Variants in SGCD observed in about 807,000 individuals in gnomAD.
The protein encoded by SGCD is sarcoglycan delta.
A neutral mutation model predicts 36.6 loss-of-function variants in SGCD; 18 were observed. That is an observed-to-expected ratio of 0.49 (90% confidence interval 0.34 to 0.73). SGCD has a LOEUF of 0.73. Ranked by LOEUF, SGCD falls within the 30% of genes least tolerant of loss-of-function variation. The probability of loss-of-function intolerance (pLI) is 0.01; values close to 1 mark genes in which losing one functional copy is unlikely to be tolerated. For missense variants in SGCD, 387 were observed against 346.7 expected (o/e 1.12, Z -0.92); for synonymous variants, 133 against 130.6 (o/e 1.02, Z -0.12).
At chr5:155,765,270 A>C in the SGCD span, among the ~76,000 whole-genome samples, 1 of 151,292 alleles carries the variant, frequency 6.6e-6, no homozygotes, top group Non-Finnish European at 1.5e-5. Flanking sequence ...ATAGGGCAAG[A>C]CCCTGTCGAA....
chr5:156,747,569 C>G (rs1192214810), intron 7 of SGCD, among the ~76,000 whole-genome samples: 1 of 152,138 alleles, frequency 6.6e-6, no homozygotes, highest in Non-Finnish European at 1.5e-5. Context: ...GGCCTCCCCT[C>G]CCTCAGTTTC....
intron 3 of SGCD, among the ~76,000 whole-genome samples, chr5:156,466,040 C>T (rs1442443529): frequency 1.3e-5 from 2 of 152,192 alleles, no homozygotes; most frequent in African/African-American, 4.8e-5. Flanking sequence ...TTTCAAATCT[C>T]TCATTTCTGT....
At chr5:155,778,358 A>G in the SGCD span, among the ~76,000 whole-genome samples, 2 of 152,178 alleles carry the variant, frequency 1.3e-5, no homozygotes, top group East Asian at 3.8e-4. Flanking sequence ...GTTTCCTAAT[A>G]TATCGACTGC....
At chr5:156,388,277 A>G (rs543682079) in intron 3 of SGCD, among the ~76,000 whole-genome samples, 2 of 152,268 alleles carry the variant, frequency 1.3e-5, no homozygotes, top group East Asian at 1.9e-4. Flanking sequence ...AAGCCTCCCT[A>G]TGATAGTTTC....
At chr5:155,943,685 C>A (rs1757379647) in intron 1 of SGCD, among the ~76,000 whole-genome samples, 1 of 152,138 alleles carries the variant, frequency 6.6e-6, no homozygotes, top group Non-Finnish European at 1.5e-5. Flanking sequence ...AAATAGTCAT[C>A]CAGTTCCTCT....
intron 1 of SGCD, among the ~76,000 whole-genome samples, chr5:156,039,770 A>G (rs1759590405): frequency 6.6e-6 from 1 of 152,140 alleles, no homozygotes; most frequent in South Asian, 2.1e-4. Context: ...CTGTTTCAGC[A>G]TCGTGAAAGA....
chr5:156,523,769 G>A (rs551082124), intron 4 of SGCD, among the ~76,000 whole-genome samples: 1 of 151,862 alleles, frequency 6.6e-6, no homozygotes, highest in African/African-American at 2.4e-5. Flanking sequence ...TTTTTCTTCA[G>A]TTTGGCATAG....
intron 1 of SGCD, among the ~76,000 whole-genome samples, chr5:156,074,363 A>C (rs1191152592): frequency 6.6e-6 from 1 of 152,192 alleles, no homozygotes; most frequent in Non-Finnish European, 1.5e-5. Flanking sequence ...CAACTGTTGA[A>C]ATACTGAAAG....
At chr5:156,463,158 G>A (rs1403386704) in intron 3 of SGCD, among the ~76,000 whole-genome samples, 1 of 152,044 alleles carries the variant, frequency 6.6e-6, no homozygotes, top group African/African-American at 2.4e-5. Flanking sequence ...TTGTTTGTTT[G>A]TTTGAGACGG....
intron 6 of SGCD, among the ~76,000 whole-genome samples, chr5:156,597,253 A>G (rs1760964302): frequency 6.6e-6 from 1 of 152,216 alleles, no homozygotes. Context: ...ATGAAAGACC[A>G]AGATTTCTCT....
upstream of SGCD, among the ~76,000 whole-genome samples, chr5:155,869,924 G>A (rs995037020): frequency 1.8e-4 from 27 of 152,238 alleles, no homozygotes; most frequent in African/African-American, 6.0e-4. Context: ...GCTTGAACCC[G>A]GGAGGCAGAG....
intron 3 of SGCD, among the ~76,000 whole-genome samples, chr5:156,277,087 T>C (rs1254263342): frequency 6.6e-6 from 1 of 152,212 alleles, no homozygotes; most frequent in Non-Finnish European, 1.5e-5. Flanking sequence ...CCTGCCAGAC[T>C]GTGAGACTTT....
At chr5:156,501,626 C>T (rs2127863626) in intron 3 of SGCD, among the ~76,000 whole-genome samples, 1 of 152,348 alleles carries the variant, frequency 6.6e-6, no homozygotes, top group East Asian at 1.9e-4. Context: ...CCCCTAGCCT[C>T]TGCCTTTTCT....
chr5:156,377,103 C>T (rs1770713788), intron 3 of SGCD, among the ~76,000 whole-genome samples: 1 of 152,150 alleles, frequency 6.6e-6, no homozygotes, highest in African/African-American at 2.4e-5. Flanking sequence ...TCCCAAACCT[C>T]TATTTTAAAA....
At chr5:156,266,879 A>C (rs575917554) in intron 3 of SGCD, among the ~76,000 whole-genome samples, 1 of 152,096 alleles carries the variant, frequency 6.6e-6, no homozygotes, top group East Asian at 1.9e-4. Flanking sequence ...CTTGGCAATG[A>C]CTTATCCTGA....
intron 4 of SGCD, among the ~76,000 whole-genome samples, chr5:156,539,408 C>A (rs1179009452): frequency 6.6e-6 from 1 of 151,460 alleles, no homozygotes; most frequent in Non-Finnish European, 1.5e-5. Context: ...ATCCCTCACC[C>A]CCTTCCATCC....
Position 156,069,823 on chromosome 5 carries a change from C to T in SGCD, c.-281-48055C>T, listed in dbSNP as rs202079311. Among the ~76,000 whole-genome samples, 399 of 152,036 alleles carry T rather than the reference C, an allele frequency of 2.6e-3. 1 individual carries two copies. Among genetic ancestry groups the T allele is most frequent in the African/African-American group, 4.5e-3 (186 of 41,362 alleles). On this transcript the variant is annotated intron_variant, in intron 1 of 9. Transcript: ENST00000517913. ...TATTTTGTTGAGCAGTGGTTTGTAG[C>T]TCTCCTTGAAGATGTCCTTCACGTC...
At chr5:156,703,212 A>G (rs1754596893) in intron 7 of SGCD, among the ~76,000 whole-genome samples, 1 of 152,096 alleles carries the variant, frequency 6.6e-6, no homozygotes, top group African/African-American at 2.4e-5. Context: ...GTTAGCTTGC[A>G]AGGAGGATGA....
In SGCD at chr5:156,697,101, TA is replaced by T. The variant is rs1435681007; in HGVS notation, c.575+49566del. Among the ~76,000 whole-genome samples the T allele has an allele frequency of 2.6e-5, 4 of 152,130 alleles. No individual in the cohort carries two copies. The South Asian group carries it at 8.3e-4, about 32-fold the overall frequency. ...CTTGCATGTGTAAAACATATTGCCTTAGGGGGTAGCAGCTAAAGATTGTGGG... is the reference window on the plus strand; with the variant it reads ...CTTGCATGTGTAAAACATATTGCCTTGGGGGTAGCAGCTAAAGATTGTGGG... On this transcript the variant is annotated intron_variant, in intron 7 of 8. Transcript: ENST00000337851.
Sources: allele counts gnomAD v4.1 joint callset (sites outside exome capture counted in the v4.1 genomes callset), GRCh38; gene constraint gnomAD v4.1.1; transcripts MANE v1.5; gene names NCBI Gene and HGNC (gene_info 2026-07-23, HGNC 2026-07-21).